OSTF1: variants seen among roughly 807,000 people sequenced by gnomAD.
OSTF1 encodes osteoclast stimulating factor 1.
OSTF1 carries 27 observed loss-of-function variants against 37.2 expected under a neutral mutation model. That is an observed-to-expected ratio of 0.73 (90% confidence interval 0.54 to 1.00). The LOEUF (loss-of-function observed/expected upper bound fraction) is 1.00. Among genes scored for constraint, OSTF1 ranks in the 50% least tolerant of loss-of-function variants. The probability of loss-of-function intolerance (pLI) is 0.00; values close to 1 mark genes in which losing one functional copy is unlikely to be tolerated. For missense variants in OSTF1, 232 were observed against 253.8 expected (o/e 0.91, Z 0.58); for synonymous variants, 82 against 89.2 (o/e 0.92, Z 0.46).
rs1414914569 is a variant in OSTF1 at position 75,088,728 on chromosome 9, T to A, written c.34+2T>A. 1 of 1,607,348 alleles carries A rather than the reference T, an allele frequency of 6.2e-7. No homozygotes were observed. Among genetic ancestry groups the A allele is most frequent in the Non-Finnish European group, 8.5e-7 (1 of 1,176,700 alleles). ...CGCCACCCAAACCAGTCAAACCAGG[T>A]GAGGGAGGTAAGGTAGGCGCTTGCC... On this transcript the variant is annotated splice_donor_variant, in intron 1 of 9. Coordinates refer to ENST00000346234, the MANE Select transcript of OSTF1 (RefSeq NM_012383.5). LOFTEE classifies it high-confidence loss of function.
chr9:75,091,815 A>C (rs1232158046), intron 1 of OSTF1, among the ~76,000 whole-genome samples: 1 of 152,238 alleles, frequency 6.6e-6, no homozygotes, highest in Non-Finnish European at 1.5e-5. Flanking sequence ...TAGTAAGGTC[A>C]CTGTAGATTT....
Position 75,126,498 on chromosome 9 carries a change from A to G in OSTF1, c.82-1071A>G, listed in dbSNP as rs560187776. On this transcript the variant is annotated intron_variant, in intron 2 of 9. Transcript: ENST00000346234. ...GTAGGCATCACCCTACTTACTTACA[A>G]AGTCATGGTAAGTGTTATCTACTGA... is the stretch of plus-strand genomic sequence containing the variant. 9.2e-5 allele frequency among the ~76,000 whole-genome samples: 14 copies of G among 152,294 alleles called. No individual in the cohort carries two copies. In the South Asian group the frequency reaches 1.9e-3, roughly 20 times the overall value.
At position 75,146,825 on chromosome 9, in the gene OSTF1, C is replaced by T. The variant is rs186429232; in HGVS notation, c.*84C>T. Reference sequence around the variant, plus strand: ...GTCTTTGCCAGAAAAGTGTTGGTAACTATAAAGAAAATTATATATGAACAC... The same window carrying T: ...GTCTTTGCCAGAAAAGTGTTGGTAATTATAAAGAAAATTATATATGAACAC... On this transcript the variant is annotated 3_prime_UTR_variant, in exon 10 of 10. Coordinates refer to ENST00000346234, the MANE Select transcript of OSTF1 (RefSeq NM_012383.5). 17 of 953,528 alleles carry T rather than the reference C, an allele frequency of 1.8e-5. No homozygotes were observed. The highest frequency in any genetic ancestry group is 2.8e-5 in the Non-Finnish European group (17 of 607,736). The allele number at this position is 953,528 out of a possible 1,614,324, so 59.1% of individuals were successfully genotyped here. A position where few individuals can be genotyped will look rare whatever the true frequency, so the allele number is the denominator to read the frequency against.
intron 2 of OSTF1, among the ~76,000 whole-genome samples, chr9:75,124,790 T>TTTTG (rs10628505): frequency 0.12 from 19,002 of 152,106 alleles, 1,589 homozygotes; most frequent in African/African-American, 0.23. Context: ...TCATAAAGTG[T>TTTTG]TTTGTTTGTT....
chr9:75,136,991 G>A (rs1045120197), intron 7 of OSTF1, among the ~76,000 whole-genome samples: 8 of 152,096 alleles, frequency 5.3e-5, no homozygotes, highest in African/African-American at 1.9e-4. Context: ...CTAACCCTCA[G>A]GTTTGAGTTT....
intron 1 of OSTF1, among the ~76,000 whole-genome samples, chr9:75,114,922 A>C (rs965149285): frequency 6.6e-6 from 1 of 152,196 alleles, no homozygotes; most frequent in African/African-American, 2.4e-5. Context: ...ATAAATAATT[A>C]ATTATTGAGT....
chr9:75,097,168 A>G (rs1380481991), intron 1 of OSTF1, among the ~76,000 whole-genome samples: 1 of 152,062 alleles, frequency 6.6e-6, no homozygotes, highest in East Asian at 1.9e-4. Context: ...TTTCGACCAC[A>G]TTTTTCTTTG....
intron 1 of OSTF1, among the ~76,000 whole-genome samples, chr9:75,094,623 A>G (rs534886320): frequency 2.4e-4 from 37 of 152,210 alleles, no homozygotes; most frequent in African/African-American, 8.2e-4. Flanking sequence ...CCCATTGCCA[A>G]AGTTGTCCTC....
At chr9:75,129,087 A>G (rs1825722810) in intron 3 of OSTF1, among the ~76,000 whole-genome samples, 1 of 152,154 alleles carries the variant, frequency 6.6e-6, no homozygotes, top group Non-Finnish European at 1.5e-5. Flanking sequence ...GTAGGGTCAC[A>G]CTGAAAGGAC....
chr9:75,137,662 A>C, intron 8 of OSTF1, 46 bp downstream of exon 8: 1 of 1,174,716 alleles, frequency 8.5e-7, no homozygotes, highest in Non-Finnish European at 1.3e-6. Context: ...GCCCTGAAAA[A>C]TAGTCTATAT....
intron 8 of OSTF1, among the ~76,000 whole-genome samples, chr9:75,138,207 A>G (rs1323334848): frequency 6.6e-6 from 1 of 152,224 alleles, no homozygotes; most frequent in African/African-American, 2.4e-5. Flanking sequence ...CACCTATACC[A>G]TACTCTAGTC....
chr9:75,104,719 T>C (rs891940370), intron 1 of OSTF1, among the ~76,000 whole-genome samples: 2 of 152,102 alleles, frequency 1.3e-5, no homozygotes, highest in Non-Finnish European at 2.9e-5. Context: ...TAGCTAACAT[T>C]TATGGGCACG....
intron 2 of OSTF1, among the ~76,000 whole-genome samples, chr9:75,124,248 C>G (rs1410025182): frequency 6.6e-6 from 1 of 152,108 alleles, no homozygotes; most frequent in African/African-American, 2.4e-5. Flanking sequence ...GTATCCAACC[C>G]CTCAAGCGTT....
In OSTF1 at chr9:75,146,665, C is replaced by T. The variant is rs1221171569; in HGVS notation, c.587-18C>T. 2.5e-6 allele frequency: 4 copies of T among 1,593,012 alleles called. No individual in the cohort carries two copies. Among genetic ancestry groups the T allele is most frequent in the Admixed American group, 3.4e-5 (2 of 58,102 alleles). On this transcript the variant is annotated intron_variant, in intron 9 of 9. Coordinates refer to ENST00000346234, the MANE Select transcript of OSTF1 (RefSeq NM_012383.5). ...TATAATTTCCCTATTTTGCTTTTTTCCCTCCTCTTTCTTTCAGATGCAGTT... is the reference window on the plus strand; with the variant it reads ...TATAATTTCCCTATTTTGCTTTTTTTCCTCCTCTTTCTTTCAGATGCAGTT...
chr9:75,103,877 C>T (rs1825238460), intron 1 of OSTF1, among the ~76,000 whole-genome samples: 1 of 152,166 alleles, frequency 6.6e-6, no homozygotes, highest in Non-Finnish European at 1.5e-5. Flanking sequence ...TCAAGCAATC[C>T]TCCCGCCTCA....
intron 1 of OSTF1, among the ~76,000 whole-genome samples, chr9:75,089,864 C>G (rs569572092): frequency 6.6e-5 from 10 of 152,234 alleles, no homozygotes; most frequent in African/African-American, 2.4e-4. Context: ...TGTTTCTTTG[C>G]GTTCCTGCAG....
chr9:75,102,973 G>A (rs1355898658), intron 1 of OSTF1, among the ~76,000 whole-genome samples: 1 of 152,148 alleles, frequency 6.6e-6, no homozygotes, highest in Non-Finnish European at 1.5e-5. Context: ...ACTCATATTA[G>A]TAAATACATT....
At chr9:75,094,088 G>A (rs575079769) in intron 1 of OSTF1, among the ~76,000 whole-genome samples, 2 of 152,286 alleles carry the variant, frequency 1.3e-5, no homozygotes, top group Non-Finnish European at 1.5e-5. Flanking sequence ...ACCTGGAAGT[G>A]GAACAGAAGC....
intron 6 of OSTF1, among the ~76,000 whole-genome samples, chr9:75,133,624 A>G (rs1024885292): frequency 1.3e-5 from 2 of 152,136 alleles, no homozygotes; most frequent in Non-Finnish European, 2.9e-5. Flanking sequence ...AAGACTGGAC[A>G]CTTCCTTTCC....
Sources: allele counts gnomAD v4.1 joint callset (sites outside exome capture counted in the v4.1 genomes callset), GRCh38; gene constraint gnomAD v4.1.1; transcripts MANE v1.5; gene names NCBI Gene and HGNC (gene_info 2026-07-23, HGNC 2026-07-21).